The following CCDC80 variants were observed in gnomAD, a reference collection of about 807,000 sequenced individuals.
The protein encoded by CCDC80 is coiled-coil domain containing 80, also known as coiled-coil domain-containing protein 80.
A neutral mutation model predicts 78.7 loss-of-function variants in CCDC80; 49 were observed. The ratio of observed to expected loss-of-function variants is 0.62; its 90% CI spans 0.50 to 0.79. The LOEUF is 0.79. Among genes scored for constraint, CCDC80 ranks in the 30% least tolerant of loss-of-function variants. The probability of loss-of-function intolerance (pLI) is 0.00; values close to 1 mark genes in which losing one functional copy is unlikely to be tolerated. For missense variants in CCDC80, 1,205 were observed against 1,198.6 expected (o/e 1.01, Z -0.08); for synonymous variants, 488 against 447.0 (o/e 1.09, Z -1.16).
At chr3:112,637,375 G>A (rs1203254164) in intron 2 of CCDC80, among the ~76,000 whole-genome samples, 1 of 152,134 alleles carries the variant, frequency 6.6e-6, no homozygotes, top group Non-Finnish European at 1.5e-5. Flanking sequence ...GGCTTTAAGG[G>A]GAGAAGATTT....
chr3:112,638,279 G>A lies in CCDC80; in HGVS notation c.1627C>T (p.Leu543Phe). 6.2e-7 allele frequency: 1 copy of A among 1,613,680 alleles called. No individual in the cohort carries two copies. Among genetic ancestry groups the A allele is most frequent in the Non-Finnish European group, 8.5e-7 (1 of 1,179,946 alleles). The change falls in exon 2 of 8, where the codon CTT (leucine) becomes TTT (phenylalanine). Residue 543 changes from leucine (L) to phenylalanine (F), a missense_variant. Leu to Phe is a conservative substitution (Grantham distance 22). Coordinates refer to ENST00000206423, the MANE Select transcript of CCDC80 (RefSeq NM_199511.3). ...KAKESKKHEK[L>F]EKPEKEKKKK... ...TTCTTCTCCTTCTCTGGTTTCTCAA[G>A]CTTTTCATGCTTTTTAGACTCCTTT...
intron 2 of CCDC80, among the ~76,000 whole-genome samples, chr3:112,633,818 G>T (rs190916115): frequency 6.6e-6 from 1 of 152,190 alleles, no homozygotes; most frequent in Non-Finnish European, 1.5e-5. Context: ...ATTTCAGACA[G>T]TGTTTAAAAT....
At chr3:112,634,596 G>A (rs770135854) in intron 2 of CCDC80, among the ~76,000 whole-genome samples, 3 of 152,168 alleles carry the variant, frequency 2.0e-5, no homozygotes, top group Non-Finnish European at 2.9e-5. Context: ...GACTAGCTGC[G>A]TATTAAAGGC....
At chr3:112,609,007 C>T (rs1452114642) in intron 6 of CCDC80, among the ~76,000 whole-genome samples, 1 of 152,176 alleles carries the variant, frequency 6.6e-6, no homozygotes, top group Non-Finnish European at 1.5e-5. Flanking sequence ...ATTCTTCCTC[C>T]TAATAGAGGC....
intron 5 of CCDC80, among the ~76,000 whole-genome samples, chr3:112,610,457 G>A (rs565172352): frequency 7.9e-5 from 12 of 152,332 alleles, no homozygotes; most frequent in East Asian, 3.9e-4. Flanking sequence ...AAGAGAACTC[G>A]TCTTAGTGGA....
In CCDC80 at chr3:112,638,789, C is replaced by G; in HGVS notation, c.1117G>C (p.Ala373Pro). The stretch of plus-strand genomic sequence containing the variant: ...AAGGCAGTGGTGGTCATAGGTCTTG[C>G]AGCAACTGTTACCGCCCGGGACGTG... ...RSTSRAVTVA[A>P]RPMTTTAFPT... is the part of the protein sequence containing the mutation. The change falls in exon 2 of 8, where the codon GCA (alanine) becomes CCA (proline). Residue 373 changes from alanine (A) to proline (P), a missense_variant. Coordinates refer to ENST00000206423, the MANE Select transcript of CCDC80 (RefSeq NM_199511.3). 6.2e-7 allele frequency: 1 copy of G among 1,613,810 alleles called. No homozygotes were observed. The highest frequency in any genetic ancestry group is 8.5e-7 in the Non-Finnish European group (1 of 1,179,992).
intron 5 of CCDC80, among the ~76,000 whole-genome samples, chr3:112,615,619 C>T (rs1015761098): frequency 6.6e-6 from 1 of 152,040 alleles, no homozygotes; most frequent in African/African-American, 2.4e-5. Flanking sequence ...GGCTGCATTT[C>T]CAGACGATTA....
At chr3:112,624,457 G>A (rs1417464435) in intron 3 of CCDC80, among the ~76,000 whole-genome samples, 1 of 152,162 alleles carries the variant, frequency 6.6e-6, no homozygotes, top group Non-Finnish European at 1.5e-5. Flanking sequence ...TTTCAGTTAG[G>A]ATAACCTTGG....
At chr3:112,635,212 A>T (rs1936181492) in intron 2 of CCDC80, among the ~76,000 whole-genome samples, 1 of 152,250 alleles carries the variant, frequency 6.6e-6, no homozygotes, top group Non-Finnish European at 1.5e-5. Flanking sequence ...CTATAAATAA[A>T]GACAAAGCAC....
At chr3:112,630,051 T>C (rs1248225849) in intron 3 of CCDC80, 62 bp downstream of exon 3, 12 of 1,502,180 alleles carry the variant, frequency 8.0e-6, no homozygotes, top group Non-Finnish European at 1.1e-5. Flanking sequence ...ACCTCTACCA[T>C]AAAGTTTGTC....
chr3:112,625,082 C>T (rs1183861166), intron 3 of CCDC80, among the ~76,000 whole-genome samples: 1 of 151,970 alleles, frequency 6.6e-6, no homozygotes, highest in Non-Finnish European at 1.5e-5. Flanking sequence ...AAAAAGATGA[C>T]AACGCAATAG....
intron 5 of CCDC80, among the ~76,000 whole-genome samples, chr3:112,614,747 G>A (rs1171121027): frequency 6.6e-6 from 1 of 152,122 alleles, no homozygotes; most frequent in Non-Finnish European, 1.5e-5. Flanking sequence ...TAGGCCTTTA[G>A]GTTCAGAACT....
Position 112,605,798 on chromosome 3 carries a change from T to G in CCDC80, c.2507-35A>C, listed in dbSNP as rs566320461. On this transcript the variant is annotated intron_variant, in intron 7 of 7. Transcript: ENST00000206423. Reference sequence around the variant, plus strand: ...CATTGGAATAGTTATTGTTAGTAGATTAAACAGTCAGAGCCCATGAAAACA... The same window carrying G: ...CATTGGAATAGTTATTGTTAGTAGAGTAAACAGTCAGAGCCCATGAAAACA... 1.9e-6 allele frequency: 3 copies of G among 1,546,582 alleles called. No homozygotes were observed. The South Asian group carries it at 3.6e-5, about 18-fold the overall frequency.
chr3:112,622,812 T>C (rs1935892938), intron 3 of CCDC80, among the ~76,000 whole-genome samples: 2 of 148,226 alleles, frequency 1.3e-5, no homozygotes, highest in South Asian at 2.1e-4. Context: ...TGCACCACCA[T>C]GCCCAGCTAA....
rs1207410821 is a variant in CCDC80, at chr3:112,641,028, A to G, written c.-713T>C. ...GTTTTGCTCCAAACCAAACTCAAACAACAGCAGCCACTGGAAATCAAGGAA... is the reference window on the plus strand; with the variant it reads ...GTTTTGCTCCAAACCAAACTCAAACGACAGCAGCCACTGGAAATCAAGGAA... On this transcript the variant is annotated 5_prime_UTR_variant, in exon 1 of 8. Coordinates refer to ENST00000206423, the MANE Select transcript of CCDC80 (RefSeq NM_199511.3). 6.6e-6 allele frequency: 1 copy of G among 152,194 alleles called. No individual in the cohort carries two copies. Among genetic ancestry groups the G allele is most frequent in the African/African-American group, 2.4e-5 (1 of 41,436 alleles). 9.4% of individuals were successfully genotyped at this position (152,194 alleles called of 1,614,324 possible).
At position 112,598,918 on chromosome 3, in the gene CCDC80, A is replaced by G. The variant is rs1488997111; in HGVS notation, c.*6499T>C. 1 of 152,116 alleles carries G rather than the reference A, an allele frequency of 6.6e-6. No homozygotes were observed. The highest frequency in any genetic ancestry group is 2.4e-5 in the African/African-American group (1 of 41,388). 9.4% of individuals were successfully genotyped at this position (152,116 alleles called of 1,614,324 possible). ...CATTATGCAGGAAAGAATTCAATGG[A>G]GTTATTTAATACCTTTCCCTATTCC... On this transcript the variant is annotated 3_prime_UTR_variant, in exon 8 of 8. Coordinates refer to ENST00000206423, the MANE Select transcript of CCDC80 (RefSeq NM_199511.3).
In CCDC80 at chr3:112,600,658, T is replaced by C. The variant is rs916185203; in HGVS notation, c.*4759A>G. On this transcript the variant is annotated 3_prime_UTR_variant, in exon 8 of 8. Transcript: ENST00000206423. ...CTGGGACCACAGACACACACCACCT[T>C]ACCCAGCTAATTTTTTGTATTTTTT... 2 of 152,488 alleles carry C rather than the reference T, an allele frequency of 1.3e-5. No homozygotes were observed. The highest frequency in any genetic ancestry group is 2.9e-5 in the Non-Finnish European group (2 of 68,338). 9.4% of individuals were successfully genotyped at this position (152,488 alleles called of 1,614,324 possible).
chr3:112,628,011 T>C (rs1559879767), intron 3 of CCDC80, among the ~76,000 whole-genome samples: 1 of 152,232 alleles, frequency 6.6e-6, no homozygotes, highest in East Asian at 1.9e-4. Context: ...GTGGAAGATG[T>C]AATGATTTTT....
At position 112,621,289 on chromosome 3, in the gene CCDC80, A is replaced by G. The variant is rs568634899; in HGVS notation, c.2036-2185T>C. The stretch of plus-strand genomic sequence containing the variant: ...GATTGTTCTTGCTTCTGCCATTGCC[A>G]TGAGAATATGCCCACACCAGCTTGC... On this transcript the variant is annotated intron_variant, in intron 3 of 7. Transcript: ENST00000206423. Among the ~76,000 whole-genome samples the G allele has an allele frequency of 1.2e-4, 19 of 152,296 alleles. No homozygotes were observed. In the South Asian group the frequency reaches 1.9e-3, roughly 15 times the overall value.
Sources: gnomAD v4.1 joint callset for allele counts (sites outside exome capture counted in the v4.1 genomes callset) on GRCh38, gnomAD v4.1.1 for gene constraint, MANE v1.5 for transcripts, NCBI Gene and HGNC (gene_info 2026-07-23, HGNC 2026-07-21) for gene names.